Variants in GSE1 observed in about 807,000 individuals in gnomAD.
The protein encoded by GSE1 is Gse1 coiled-coil protein.
Under a neutral mutation model 112.6 loss-of-function variants are expected in GSE1, and 32 were observed. That is an observed-to-expected ratio of 0.28 (90% confidence interval 0.21 to 0.38). The LOEUF (loss-of-function observed/expected upper bound fraction) is 0.38, where lower values mean the gene tolerates loss of function less well. Among genes scored for constraint, GSE1 ranks in the 10% least tolerant of loss-of-function variants. The pLI is 1.00. For synonymous variants in GSE1, 1,115 were observed against 735.6 expected (o/e 1.52, Z -8.35); for missense variants, 2,348 against 1,699.2 (o/e 1.38, Z -6.71).
intron 2 of GSE1, among the ~76,000 whole-genome samples, chr16:85,538,606 G>A (rs2044413724): frequency 6.6e-6 from 1 of 152,156 alleles, no homozygotes; most frequent in Non-Finnish European, 1.5e-5. Flanking sequence ...GCCAGCCTTG[G>A]AAGCCAGCCG....
chr16:85,351,314 T>C (rs1412352900), intron 1 of GSE1, among the ~76,000 whole-genome samples: 2 of 152,202 alleles, frequency 1.3e-5, no homozygotes, highest in Non-Finnish European at 2.9e-5. Flanking sequence ...AACTGGAATG[T>C]CCTTTATTGT....
chr16:85,335,480 G>A (rs915382946), intron 1 of GSE1, among the ~76,000 whole-genome samples: 3 of 150,794 alleles, frequency 2.0e-5, no homozygotes, highest in Admixed American at 6.6e-5. Flanking sequence ...TGCTGTGCGG[G>A]CTGGCAGGAG....
At chr16:85,175,691 C>T (rs561011108) in intron 1 of GSE1, among the ~76,000 whole-genome samples, 32 of 152,252 alleles carry the variant, frequency 2.1e-4, no homozygotes, top group African/African-American at 7.0e-4. Flanking sequence ...ACAAGGCCAG[C>T]CAGGATGTTG....
rs562111074 is a variant in GSE1 at position 85,228,662 on chromosome 16, C to T, written c.2283+56855C>T. On this transcript the variant is annotated intron_variant, in intron 1 of 2. Coordinates refer to the GSE1 transcript ENST00000637419. ...AACGGGTGCCGTTTTCCAGGCCCCACGAGAATGGCATGAATTATGGGTCAC... is the reference window on the plus strand; with the variant it reads ...AACGGGTGCCGTTTTCCAGGCCCCATGAGAATGGCATGAATTATGGGTCAC... Among the ~76,000 whole-genome samples, 40 of 152,266 alleles carry T rather than the reference C, an allele frequency of 2.6e-4. No individual in the cohort carries two copies. In the South Asian group the frequency reaches 8.1e-3, roughly 31 times the overall value.
intron 1 of GSE1, among the ~76,000 whole-genome samples, chr16:85,257,312 C>G (rs1458414387): frequency 6.6e-6 from 1 of 152,058 alleles, no homozygotes; most frequent in Non-Finnish European, 1.5e-5. Flanking sequence ...GTTTCAACCA[C>G]GTCAGCCAGG....
In GSE1 at chr16:85,440,067, G is replaced by A. The variant is rs141502315; in HGVS notation, c.2464+82424G>A. ...TTGCACCTTCGGGTTTAAGCCCTGA[G>A]CAAATTGACATCCCGTGTCTTGTTC... On this transcript the variant is annotated intron_variant, in intron 2 of 2. Coordinates refer to the GSE1 transcript ENST00000637419. Among the ~76,000 whole-genome samples, 960 of 152,368 alleles carry A rather than the reference G, an allele frequency of 6.3e-3. 9 individuals carry two copies. Among genetic ancestry groups the A allele is most frequent in the African/African-American group, 0.022 (916 of 41,586 alleles).
chr16:85,512,501 C>T (rs1160811427), intron 2 of GSE1, among the ~76,000 whole-genome samples: 1 of 152,208 alleles, frequency 6.6e-6, no homozygotes, highest in East Asian at 1.9e-4. Context: ...AAAGTGCTCA[C>T]GGGCTAATCC....
At chr16:85,308,525 G>T (rs1273023368) in intron 1 of GSE1, among the ~76,000 whole-genome samples, 1 of 152,078 alleles carries the variant, frequency 6.6e-6, no homozygotes, top group African/African-American at 2.4e-5. Flanking sequence ...ACTCCTCGGG[G>T]ACTTCGAAAG....
At chr16:85,668,013 C>T (rs2053018184) in intron 13 of GSE1, 127 bp from the exon 14 acceptor site, 2 of 710,842 alleles carry the variant, frequency 2.8e-6, no homozygotes, top group South Asian at 2.0e-5. Context: ...TACGCGATGT[C>T]ATCTTGGTCC....
intron 2 of GSE1, among the ~76,000 whole-genome samples, chr16:85,528,013 C>T (rs978837061): frequency 1.3e-5 from 2 of 152,100 alleles, no homozygotes; most frequent in Non-Finnish European, 2.9e-5. Context: ...GAGGGAGAGA[C>T]GAGGACAGCT....
At chr16:85,553,264 G>GGACCCC (rs1400071468), upstream of GSE1, among the ~76,000 whole-genome samples, 22 of 149,646 alleles carry the variant, frequency 1.5e-4, no homozygotes, top group East Asian at 1.8e-3. Context: ...GGCAGGTGCC[G>GGACCCC]GACCCCGACC....
At chr16:85,492,803 G>T (rs148893969) in intron 2 of GSE1, among the ~76,000 whole-genome samples, 16 of 152,204 alleles carry the variant, frequency 1.1e-4, no homozygotes, top group African/African-American at 3.9e-4. Context: ...AGTTTGCCTG[G>T]AGTGGTGCTG....
upstream of GSE1, chr16:85,555,174 A>G (rs1437061793): frequency 4.1e-6 from 4 of 985,282 alleles, no homozygotes; most frequent in African/African-American, 7.0e-5. Context: ...TAGGGGAGAC[A>G]AATCTGCTGT....
chr16:85,632,387 C>A (rs181491957), intron 1 of GSE1, among the ~76,000 whole-genome samples: 1 of 152,302 alleles, frequency 6.6e-6, no homozygotes, highest in African/African-American at 2.4e-5. Flanking sequence ...GCCCCCAGCC[C>A]TTCCCTCAGT....
intron 1 of GSE1, among the ~76,000 whole-genome samples, chr16:85,220,421 A>T (rs2075371301): frequency 6.6e-6 from 1 of 152,256 alleles, no homozygotes; most frequent in South Asian, 2.1e-4. Context: ...CCCCCGGCTC[A>T]GCAGACTGTT....
chr16:85,617,591 A>T (rs1598400267), intron 1 of GSE1, among the ~76,000 whole-genome samples: 2 of 88,776 alleles, frequency 2.3e-5, no homozygotes, highest in African/African-American at 4.4e-5. Context: ...TCCGTGTGTC[A>T]ACCCTCCCCC....
chr16:85,546,963 G>A (rs999828930), intron 2 of GSE1, among the ~76,000 whole-genome samples: 3 of 152,230 alleles, frequency 2.0e-5, no homozygotes, highest in Non-Finnish European at 2.9e-5. Context: ...CCCAAAGCCT[G>A]GCTGGTAAAT....
At chr16:85,278,100 G>A (rs746833045) in intron 1 of GSE1, among the ~76,000 whole-genome samples, 4 of 152,236 alleles carry the variant, frequency 2.6e-5, no homozygotes, top group South Asian at 4.1e-4. Flanking sequence ...GCATGGCCCC[G>A]TTTTACAGAT....
At chr16:85,659,676 T>C (rs936197877) in intron 8 of GSE1, 2 of 152,254 alleles carry the variant, frequency 1.3e-5, no homozygotes, top group African/African-American at 4.8e-5. Context: ...ACCCATCTCT[T>C]AAAAATAAGC....
Sources: allele counts gnomAD v4.1 joint callset (sites outside exome capture counted in the v4.1 genomes callset), GRCh38; gene constraint gnomAD v4.1.1; transcripts MANE v1.5; gene names NCBI Gene and HGNC (gene_info 2026-07-23, HGNC 2026-07-21).